HS2ST1: variants seen among roughly 807,000 people sequenced by gnomAD.
The protein encoded by HS2ST1 is heparan sulfate 2-O-sulfotransferase 1.
HS2ST1 carries 18 observed loss-of-function variants against 42.9 expected under a neutral mutation model. The observed-to-expected ratio is 0.42, with a 90% CI of 0.29 to 0.62. The LOEUF (loss-of-function observed/expected upper bound fraction) is 0.62. Ranked by LOEUF, HS2ST1 falls within the 20% of genes least tolerant of loss-of-function variation. The pLI is 0.21. For synonymous variants in HS2ST1, 146 were observed against 152.9 expected, an observed-to-expected ratio of 0.95 and a Z score of 0.33; for missense variants, 334 against 433.8, an observed-to-expected ratio of 0.77 and a Z score of 2.04.
At chr1:86,987,488 G>C (rs1461019768) in intron 1 of HS2ST1, among the ~76,000 whole-genome samples, 1 of 152,124 alleles carries the variant, frequency 6.6e-6, no homozygotes, top group African/African-American at 2.4e-5. Flanking sequence ...TTCCAGGAAA[G>C]GTTCTCAAAA....
intron 1 of HS2ST1, 150 bp downstream of exon 1, chr1:86,915,310 C>A: frequency 2.3e-6 from 2 of 870,954 alleles, no homozygotes; most frequent in Non-Finnish European, 3.4e-6. Flanking sequence ...GCAGCGAGAG[C>A]ACGAGCTCCA....
At chr1:87,028,889 T>C (rs1209628523) in intron 1 of HS2ST1, among the ~76,000 whole-genome samples, 2 of 152,166 alleles carry the variant, frequency 1.3e-5, no homozygotes, top group African/African-American at 4.8e-5. Flanking sequence ...TTTTTGTTTT[T>C]AATCTCTACT....
chr1:87,061,398 A>G (rs1651119638), intron 1 of HS2ST1, among the ~76,000 whole-genome samples: 1 of 152,028 alleles, frequency 6.6e-6, no homozygotes, highest in South Asian at 2.1e-4. Context: ...GGTGCTTTCC[A>G]TTTCTCCCTC....
chr1:87,008,483 G>T (rs77791177), intron 1 of HS2ST1, among the ~76,000 whole-genome samples: 1 of 152,180 alleles, frequency 6.6e-6, no homozygotes, highest in African/African-American at 2.4e-5. Flanking sequence ...GAGCAACAAT[G>T]ACATGAATGT....
At chr1:86,929,623 C>T (rs986696417) in intron 1 of HS2ST1, among the ~76,000 whole-genome samples, 1 of 151,580 alleles carries the variant, frequency 6.6e-6, no homozygotes, top group Non-Finnish European at 1.5e-5. Context: ...GGAGTTTTTG[C>T]ATGTGTATAT....
chr1:87,092,656 A>G lies in HS2ST1; in HGVS notation c.575A>G (p.Gln192Arg). The change falls in exon 4 of 7, where the codon CAA becomes CGA. Residue 192 changes from glutamine to arginine, a missense_variant. By Grantham distance (43) the Gln-to-Arg change is conservative. Transcript: ENST00000370550. Reference protein sequence around the residue: ...DYRPGLRRRKQGDKKTFDECV... With the variant: ...DYRPGLRRRKRGDKKTFDECV... ...AGACCAGGGTTACGGAGACGAAAAC[A>G]AGGAGACAAAAAGGTAATATTTTAG... The G allele has an allele frequency of 6.5e-7, 1 of 1,532,308 alleles. No homozygotes were observed. The highest frequency in any genetic ancestry group is 8.7e-7 in the Non-Finnish European group (1 of 1,145,150). 94.9% of individuals were successfully genotyped at this position (1,532,308 alleles called of 1,614,324 possible). A position where few individuals can be genotyped will look rare whatever the true frequency, so the allele number is the denominator to read the frequency against.
At chr1:86,946,295 A>T (rs1647335077) in intron 1 of HS2ST1, among the ~76,000 whole-genome samples, 1 of 152,230 alleles carries the variant, frequency 6.6e-6, no homozygotes, top group South Asian at 2.1e-4. Flanking sequence ...AGTTGAAAGG[A>T]TCTTAGTGAT....
intron 1 of HS2ST1, among the ~76,000 whole-genome samples, chr1:86,984,039 C>CA (rs36109552): frequency 0.71 from 103,482 of 144,982 alleles, 37,939 homozygotes; most frequent in East Asian, 0.96. Context: ...GGCTCCATCT[C>CA]AAAAAAAAAA....
At chr1:87,026,899 A>G (rs1221469509) in intron 1 of HS2ST1, among the ~76,000 whole-genome samples, 1 of 152,186 alleles carries the variant, frequency 6.6e-6, no homozygotes, top group Admixed American at 6.5e-5. Flanking sequence ...CCCATTCATT[A>G]AGATATTGAT....
chr1:86,914,934 T>C lies in HS2ST1; in HGVS notation c.-103T>C. 1 of 1,455,012 alleles carries C rather than the reference T, an allele frequency of 6.9e-7. No homozygotes were observed. Among genetic ancestry groups the C allele is most frequent in the Non-Finnish European group, 9.5e-7 (1 of 1,052,550 alleles). 90.1% of individuals were successfully genotyped at this position (1,455,012 alleles called of 1,614,324 possible). ...GGTTCTCTCGCTGTCGCTCTCTCTT[T>C]GCCTCGCTCCCGGCTCGGCGGGCTC... On this transcript the variant is annotated 5_prime_UTR_variant, in exon 1 of 7. Transcript: ENST00000370550.
chr1:87,081,916 G>A (rs926530799), intron 2 of HS2ST1, among the ~76,000 whole-genome samples: 4 of 149,896 alleles, frequency 2.7e-5, no homozygotes, highest in African/African-American at 9.9e-5. Context: ...GGAGGTTGCA[G>A]TGAGCTGAGA....
intron 1 of HS2ST1, among the ~76,000 whole-genome samples, chr1:86,948,694 A>C (rs1451696176): frequency 6.6e-6 from 1 of 152,216 alleles, no homozygotes; most frequent in Non-Finnish European, 1.5e-5. Context: ...TGCTACATTC[A>C]AAAAATAGTC....
Position 86,983,995 on chromosome 1 carries a change from G to A in HS2ST1, c.124+68835G>A, listed in dbSNP as rs138490373. On this transcript the variant is annotated intron_variant, in intron 1 of 6. Coordinates refer to ENST00000370550, the MANE Select transcript of HS2ST1 (RefSeq NM_012262.4). ...GCAAAGGTTGTGGTGAGCTGAGATC[G>A]CGCCATTGAACTCTAGCCTGGGTGA... Among the ~76,000 whole-genome samples, 220 of 151,458 alleles carry A rather than the reference G, an allele frequency of 1.5e-3. 1 individual carries two copies. Among genetic ancestry groups the A allele is most frequent in the Middle Eastern group, 3.4e-3 (1 of 294 alleles).
intron 1 of HS2ST1, among the ~76,000 whole-genome samples, chr1:87,025,246 C>T (rs916991827): frequency 6.6e-5 from 10 of 152,194 alleles, no homozygotes; most frequent in Admixed American, 5.9e-4. Flanking sequence ...TCCTGCCTGG[C>T]GGCTGTTGCT....
intron 1 of HS2ST1, among the ~76,000 whole-genome samples, chr1:86,992,376 T>C (rs1648979248): frequency 6.8e-6 from 1 of 147,400 alleles, no homozygotes; most frequent in Non-Finnish European, 1.5e-5. Context: ...TTTTTTTTTG[T>C]GTGTGTGAGA....
intron 1 of HS2ST1, among the ~76,000 whole-genome samples, chr1:86,990,818 A>ATG: frequency 6.7e-5 from 1 of 14,924 alleles, no homozygotes; most frequent in African/African-American, 9.9e-5. Flanking sequence ...AATTTTATAT[A>ATG]TATATATATA....
At chr1:86,952,804 A>G (rs898215386) in intron 1 of HS2ST1, among the ~76,000 whole-genome samples, 4 of 152,190 alleles carry the variant, frequency 2.6e-5, no homozygotes, top group Non-Finnish European at 5.9e-5. Flanking sequence ...TGTCCCATTT[A>G]TAGATCACAG....
intron 1 of HS2ST1, among the ~76,000 whole-genome samples, chr1:87,066,327 G>A (rs1038356168): frequency 6.6e-6 from 1 of 152,174 alleles, no homozygotes; most frequent in Non-Finnish European, 1.5e-5. Context: ...TCCATCTTCA[G>A]TTGGAAATAA....
intron 5 of HS2ST1, among the ~76,000 whole-genome samples, chr1:87,098,926 C>T (rs527455619): frequency 6.6e-6 from 1 of 152,238 alleles, no homozygotes; most frequent in South Asian, 2.1e-4. Flanking sequence ...ACTACAGGTG[C>T]CTGCACTACC....
Sources: allele counts gnomAD v4.1 joint callset (sites outside exome capture counted in the v4.1 genomes callset), GRCh38; gene constraint gnomAD v4.1.1; transcripts MANE v1.5; gene names NCBI Gene and HGNC (gene_info 2026-07-23, HGNC 2026-07-21).